The following SRGAP2 variants were observed in gnomAD, a reference collection of about 807,000 sequenced individuals.
The protein encoded by SRGAP2 is SLIT-ROBO Rho GTPase-activating protein 2.
A neutral mutation model predicts 57.2 loss-of-function variants in SRGAP2; 15 were observed. The observed-to-expected ratio is 0.26, with a 90% CI of 0.18 to 0.40. The LOEUF is 0.40. SRGAP2 is among the 10% of genes least tolerant of loss of function. SRGAP2 has a pLI of 1.00. For missense variants in SRGAP2, 520 were observed against 669.6 expected (o/e 0.78, Z 2.47); for synonymous variants, 249 against 248.0 (o/e 1.00, Z -0.04).
chr1:206,255,063 C>T (rs1403678070), intron 2 of SRGAP2, among the ~76,000 whole-genome samples: 14 of 150,932 alleles, frequency 9.3e-5, no homozygotes, highest in Non-Finnish European at 1.9e-4. Flanking sequence ...CAAGGTTCCA[C>T]CTGGGCTCAG....
chr1:206,429,199 C>G (rs1390903449), intron 13 of SRGAP2, among the ~76,000 whole-genome samples: 1 of 152,198 alleles, frequency 6.6e-6, no homozygotes, highest in South Asian at 2.1e-4. Context: ...TGAAGCAAAA[C>G]AACAGAGCAA....
chr1:206,454,833 T>C lies in SRGAP2; in HGVS notation c.2361-45T>C, dbSNP rs782807988. ...CGATTTAACGCTGCTTTTTGTGTTG[T>C]TGTTGTTTTCCCTCCTCCCTGCCTG... is the stretch of plus-strand genomic sequence containing the variant. On this transcript the variant is annotated intron_variant, in intron 20 of 22. Transcript: ENST00000573034. This position sits in a 1 kb window ranked among gnomAD's most constrained non-coding sequence, Gnocchi z 4.3. 1 of 719,292 alleles carries C rather than the reference T, an allele frequency of 1.4e-6. No homozygotes were observed. 44.6% of individuals were successfully genotyped at this position (719,292 alleles called of 1,614,324 possible). A position where few individuals can be genotyped will look rare whatever the true frequency, so the allele number is the denominator to read the frequency against.
At chr1:206,449,470 T>G (rs1238013241) in intron 18 of SRGAP2, among the ~76,000 whole-genome samples, 1 of 150,988 alleles carries the variant, frequency 6.6e-6, no homozygotes, top group Non-Finnish European at 1.5e-5. Flanking sequence ...TTTCTTTTTT[T>G]GTAGAGACAG....
chr1:206,437,079 G>T (rs782486396), intron 15 of SRGAP2, 37 bp downstream of exon 15: 1 of 779,920 alleles, frequency 1.3e-6, no homozygotes, highest in Admixed American at 1.7e-5. Flanking sequence ...CCAAATATTT[G>T]CCAGCCCCCT....
chr1:206,341,710 A>T (rs558777778), intron 3 of SRGAP2, among the ~76,000 whole-genome samples: 4 of 152,276 alleles, frequency 2.6e-5, no homozygotes, highest in African/African-American at 9.6e-5. Context: ...AGAAATGAGC[A>T]TCTAGGGCTG....
intron 13 of SRGAP2, among the ~76,000 whole-genome samples, chr1:206,422,216 G>A (rs886555032): frequency 6.6e-6 from 1 of 152,182 alleles, no homozygotes; most frequent in Non-Finnish European, 1.5e-5. Flanking sequence ...CGGCAGCACC[G>A]GCATTTCTTC....
intron 18 of SRGAP2, among the ~76,000 whole-genome samples, chr1:206,447,964 C>G (rs1553374490): frequency 2.0e-5 from 3 of 152,186 alleles, no homozygotes; most frequent in Non-Finnish European, 2.9e-5. Flanking sequence ...CTGGAAAAAC[C>G]ACAAGATTAG....
intron 3 of SRGAP2, among the ~76,000 whole-genome samples, chr1:206,309,374 G>A (rs1672460975): frequency 6.6e-6 from 1 of 151,570 alleles, no homozygotes; most frequent in South Asian, 2.1e-4. Context: ...ATTTTAGTGG[G>A]TCCTCTGGGT....
intron 3 of SRGAP2, among the ~76,000 whole-genome samples, chr1:206,314,116 T>TGTTG (rs1294708306): frequency 1.1e-4 from 16 of 149,230 alleles, no homozygotes; most frequent in African/African-American, 3.0e-4. Context: ...TTTTTTTTTT[T>TGTTG]TTGTTGTTGT....
intron 4 of SRGAP2, among the ~76,000 whole-genome samples, chr1:206,370,727 T>A (rs2103020464): frequency 6.6e-6 from 1 of 152,338 alleles, no homozygotes; most frequent in Non-Finnish European, 1.5e-5. Context: ...TACCCTGTAG[T>A]GGTGAATTGT....
intron 2 of SRGAP2, among the ~76,000 whole-genome samples, chr1:206,283,267 T>C (rs1315357619): frequency 2.7e-5 from 4 of 149,696 alleles, no homozygotes; most frequent in Non-Finnish European, 6.0e-5. Context: ...GTAGTCTGTC[T>C]TCTCTGGTAG....
At chr1:206,449,310 T>TTTTTTTTTA (rs1663052241) in intron 18 of SRGAP2, among the ~76,000 whole-genome samples, 1 of 133,918 alleles carries the variant, frequency 7.5e-6, no homozygotes, top group African/African-American at 2.8e-5. Context: ...TTTTTTTTTT[T>TTTTTTTTTA]AGACAGGATC....
chr1:206,307,906 G>GC (rs1358537519), intron 3 of SRGAP2, among the ~76,000 whole-genome samples: 20 of 152,124 alleles, frequency 1.3e-4, no homozygotes, highest in African/African-American at 4.6e-4. Flanking sequence ...CTCCCACAGT[G>GC]CAGGGGGGGG....
chr1:206,341,578 A>G (rs1675197865), intron 3 of SRGAP2, among the ~76,000 whole-genome samples: 1 of 151,752 alleles, frequency 6.6e-6, no homozygotes, highest in Non-Finnish European at 1.5e-5. Flanking sequence ...TAGTACTGCA[A>G]ATTATTCCTA....
In SRGAP2 at chr1:206,458,420, A is replaced by G. The variant is rs557501644; in HGVS notation, c.2508-203A>G. Reference sequence around the variant, plus strand: ...GCCCGTGACCACCAAGTAAGTATCCATTTCTCCTTCACCCAGCTTGGGGGT... The same window carrying G: ...GCCCGTGACCACCAAGTAAGTATCCGTTTCTCCTTCACCCAGCTTGGGGGT... On this transcript the variant is annotated intron_variant, in intron 21 of 22. Coordinates refer to ENST00000573034, the MANE Select transcript of SRGAP2 (RefSeq NM_015326.5). 3 of 711,686 alleles carry G rather than the reference A, an allele frequency of 4.2e-6. No individual in the cohort carries two copies. The African/African-American group carries it at 5.2e-5, about 12-fold the overall frequency. The allele number at this position is 711,686 out of a possible 1,614,324, so 44.1% of individuals were successfully genotyped here.
At chr1:206,434,140 C>G (rs1416159171) in intron 14 of SRGAP2, among the ~76,000 whole-genome samples, 1 of 152,174 alleles carries the variant, frequency 6.6e-6, no homozygotes, top group African/African-American at 2.4e-5. Flanking sequence ...TGGGGATTTT[C>G]ACATCCTAAC....
Position 206,417,958 on chromosome 1 carries a change from C to A in SRGAP2, c.1442-1415C>A, listed in dbSNP as rs185756215. ...GCAGGGCCTTGGGGCCATACAAATG[C>A]ATTCATATGCGCTCACATTTGTGTG... On this transcript the variant is annotated intron_variant, in intron 11 of 22. Transcript: ENST00000573034. 3.1e-3 allele frequency among the ~76,000 whole-genome samples: 471 copies of A among 151,542 alleles called. 2 individuals carry two copies. The highest frequency in any genetic ancestry group is 0.011 in the African/African-American group (456 of 41,266).
intron 3 of SRGAP2, among the ~76,000 whole-genome samples, chr1:206,310,144 T>C (rs1200382794): frequency 1.1e-4 from 16 of 151,744 alleles, no homozygotes; most frequent in African/African-American, 3.7e-4. Flanking sequence ...TTCAATCTCT[T>C]AGGGTGAAAC....
At chr1:206,303,884 TCTCTCACACACA>T (rs1333191790) in intron 3 of SRGAP2, among the ~76,000 whole-genome samples, 4,574 of 142,248 alleles carry the variant, frequency 0.032, 55 homozygotes, top group African/African-American at 0.078. Context: ...TCTCTCTCTC[TCTCTCACACACA>T]CACACACACA....
Sources: gnomAD v4.1 joint callset for allele counts (sites outside exome capture counted in the v4.1 genomes callset) on GRCh38, gnomAD v4.1.1 for gene constraint, Gnocchi (gnomAD v3.1) non-coding constraint, MANE v1.5 for transcripts, NCBI Gene and HGNC (gene_info 2026-07-23, HGNC 2026-07-21) for gene names.